Variants in SLC7A5 observed in about 807,000 individuals in gnomAD.
The protein encoded by SLC7A5 is large neutral amino acids transporter small subunit 1.
In SLC7A5, 23 loss-of-function variants were observed where a neutral mutation model predicts 50.2. The observed-to-expected ratio is 0.46, with a 90% CI of 0.33 to 0.65. The LOEUF is 0.65. Among genes scored for constraint, SLC7A5 ranks in the 30% least tolerant of loss-of-function variants. The probability of loss-of-function intolerance (pLI) is 0.02; values close to 1 mark genes in which losing one functional copy is unlikely to be tolerated. For synonymous variants in SLC7A5, 393 were observed against 330.6 expected, an observed-to-expected ratio of 1.19 and a Z score of -2.05; for missense variants, 578 against 684.4, an observed-to-expected ratio of 0.84 and a Z score of 1.73.
Position 87,869,333 on chromosome 16 carries a change from C to T in SLC7A5, c.90G>A (p.Lys30=), listed in dbSNP as rs375232549. 5 of 1,610,064 alleles carry T rather than the reference C, an allele frequency of 3.1e-6. No homozygotes were observed. The highest frequency in any genetic ancestry group is 4.2e-6 in the Non-Finnish European group (5 of 1,179,216). Residue 30 remains lysine (K), a synonymous_variant, in exon 1 of 10, where the codon AAG becomes AAA. Transcript: ENST00000261622. ...EEAREKMLAA[K]SADGSAPAGE... ...CTGCCGGCGCCGAGCCGTCCGCGCT[C>T]TTGGCGGCCAGCATCTTCTCCCGCG...
In SLC7A5 at chr16:87,853,226, C is replaced by T. The variant is rs1325284020; in HGVS notation, c.539-1377G>A. Among the ~76,000 whole-genome samples the T allele has an allele frequency of 1.3e-5, 2 of 152,204 alleles. No homozygotes were observed. Among genetic ancestry groups the T allele is most frequent in the African/African-American group, 2.4e-5 (1 of 41,458 alleles). ...GGAATCTTACAATGTAAGCAACAGACCCCGAGGAAAGACATCCATGCTAAT... is the reference window on the plus strand; with the variant it reads ...GGAATCTTACAATGTAAGCAACAGATCCCGAGGAAAGACATCCATGCTAAT... On this transcript the variant is annotated intron_variant, in intron 1 of 9. Transcript: ENST00000261622. This position sits in a 1 kb window ranked among gnomAD's most constrained non-coding sequence, Gnocchi z 4.4.
At chr16:87,865,779 C>T (rs566302248) in intron 1 of SLC7A5, among the ~76,000 whole-genome samples, 2 of 152,238 alleles carry the variant, frequency 1.3e-5, no homozygotes, top group East Asian at 1.9e-4. Flanking sequence ...AATCCAGGAA[C>T]GCGTGACTTG....
At chr16:87,839,484 C>A (rs931444658) in intron 5 of SLC7A5, among the ~76,000 whole-genome samples, 12 of 152,210 alleles carry the variant, frequency 7.9e-5, no homozygotes, top group Non-Finnish European at 1.5e-4. Flanking sequence ...TTTGACTCCC[C>A]CAGCAGCTGA....
rs772727258 is a variant in SLC7A5 at position 87,838,813 on chromosome 16, A to T, written c.944T>A (p.Phe315Tyr). The change falls in exon 6 of 10, where the codon TTC (phenylalanine) becomes TAC (tyrosine). Residue 315 changes from phenylalanine to tyrosine, a missense_variant. By Grantham distance (22) the Phe-to-Tyr change is conservative (BLOSUM62 3). Around this residue, in one of 2 missense-constraint regions of SLC7A5, gnomAD observed 465 missense variants for 594.6 expected, o/e 0.78. Coordinates refer to ENST00000261622, the MANE Select transcript of SLC7A5 (RefSeq NM_003486.7). ...MLSSEAVAVDFGNYHLGVMSW... is the reference protein window; with the variant it reads ...MLSSEAVAVDYGNYHLGVMSW... ...CATGACGCCCAGGTGATAGTTCCCG[A>T]AGTCCTAGGCAGGCACAACCAGTGA... 6.2e-7 allele frequency: 1 copy of T among 1,613,582 alleles called. No homozygotes were observed. The highest frequency in any genetic ancestry group is 8.5e-7 in the Non-Finnish European group (1 of 1,179,686).
Position 87,867,429 on chromosome 16 carries a change from C to T in SLC7A5, c.538+1456G>A, listed in dbSNP as rs1446077193. Among the ~76,000 whole-genome samples the T allele has an allele frequency of 5.9e-5, 9 of 152,332 alleles. No individual in the cohort carries two copies. In the South Asian group the frequency reaches 1.9e-3, roughly 32 times the overall value. ...GGCTCTCCCCACTGCTGTCCTGCTA[C>T]GATTTTTCCCGGCTTTGACCTGCAT... On this transcript the variant is annotated intron_variant, in intron 1 of 9. Transcript: ENST00000261622.
At position 87,841,242 on chromosome 16, in the gene SLC7A5, T is replaced by C; in HGVS notation, c.665-87A>G. On this transcript the variant is annotated intron_variant, in intron 2 of 9. Transcript: ENST00000261622. This position sits in a 1 kb window ranked among gnomAD's most constrained non-coding sequence, Gnocchi z 4.8. ...GTTCTAGAATGTTCCTGGAGCAAAATACATAGCAAACAAAAATGCTGGAGT... is the reference window on the plus strand; with the variant it reads ...GTTCTAGAATGTTCCTGGAGCAAAACACATAGCAAACAAAAATGCTGGAGT... The C allele has an allele frequency of 3.4e-6, 3 of 884,356 alleles. No homozygotes were observed. The highest frequency in any genetic ancestry group is 5.7e-6 in the Non-Finnish European group (3 of 524,342). 54.8% of individuals were successfully genotyped at this position (884,356 alleles called of 1,614,324 possible). A position where few individuals can be genotyped will look rare whatever the true frequency, so the allele number is the denominator to read the frequency against.
In SLC7A5 at chr16:87,837,734, C is replaced by T. The variant is rs60160402; in HGVS notation, c.1140+111G>A. 0.019 allele frequency: 15,749 copies of T among 836,882 alleles called. 1,335 individuals are homozygous for T. In the African/African-American group the frequency reaches 0.21, roughly 11 times the overall value. 51.8% of individuals were successfully genotyped at this position (836,882 alleles called of 1,614,324 possible). On this transcript the variant is annotated intron_variant, in intron 7 of 9. Coordinates refer to ENST00000261622, the MANE Select transcript of SLC7A5 (RefSeq NM_003486.7). ...AGCTCGGCAGGAGGCCACATTTGAG[C>T]TGTCACCCAGTCCACACCCCAGACA...
Position 87,833,143 on chromosome 16 carries a change from A to C in SLC7A5, c.1469-118T>G. ...GTCACCAAACCCAGCGCCGCTGCCC[A>C]GCGCTGGGATTTTAAGGAACCTTCC... On this transcript the variant is annotated intron_variant, in intron 9 of 9. Transcript: ENST00000261622. This position sits in a 1 kb window ranked among gnomAD's most constrained non-coding sequence, Gnocchi z 6.0. 2 of 843,466 alleles carry C rather than the reference A, an allele frequency of 2.4e-6. No homozygotes were observed. The highest frequency in any genetic ancestry group is 4.1e-6 in the Non-Finnish European group (2 of 487,272). 52.2% of individuals were successfully genotyped at this position (843,466 alleles called of 1,614,324 possible). A position where few individuals can be genotyped will look rare whatever the true frequency, so the allele number is the denominator to read the frequency against.
intron 2 of SLC7A5, among the ~76,000 whole-genome samples, chr16:87,849,927 C>T (rs928040989): frequency 1.3e-5 from 2 of 152,144 alleles, no homozygotes; most frequent in African/African-American, 4.8e-5. Flanking sequence ...GACTTCCCCT[C>T]GACGATGAGG....
chr16:87,847,502 G>A (rs944982711), intron 2 of SLC7A5, among the ~76,000 whole-genome samples: 4 of 152,212 alleles, frequency 2.6e-5, no homozygotes, highest in Non-Finnish European at 4.4e-5. Flanking sequence ...GAAGCTCAGA[G>A]ACCAGTCTGA....
chr16:87,836,644 C>G lies in SLC7A5; in HGVS notation c.1144G>C (p.Val382Leu), dbSNP rs777326719. 1.2e-5 allele frequency: 20 copies of G among 1,612,328 alleles called. No individual in the cohort carries two copies. The highest frequency in any genetic ancestry group is 2.7e-5 in the African/African-American group (2 of 74,950). Residue 382 changes from valine (V) to leucine (L), a missense_variant, in exon 8 of 10, where the codon GTG becomes CTG. Physicochemically the swap from Val to Leu is conservative, Grantham distance 32. Coordinates refer to ENST00000261622, the MANE Select transcript of SLC7A5 (RefSeq NM_003486.7). Reference sequence around the variant, plus strand: ...GAGAAGGCGTAGAGCAGCGTCATCACACACTGGAAGAGAGAGGCGGCTGGC... The same window carrying G: ...GAGAAGGCGTAGAGCAGCGTCATCAGACACTGGAAGAGAGAGGCGGCTGGC... ...TPVPSLVFTCVMTLLYAFSKD... is the reference protein window; with the variant it reads ...TPVPSLVFTCLMTLLYAFSKD...
rs111715445 is a variant in SLC7A5 at position 87,838,743 on chromosome 16, G to T, written c.1014C>A (p.Ser338=). The change falls in exon 6 of 10, where the codon TCC becomes TCA. Residue 338 remains serine, a synonymous_variant. Coordinates refer to ENST00000261622, the MANE Select transcript of SLC7A5 (RefSeq NM_003486.7). ...PVFVGLSCFG[S]VNGSLFTSSR... ...AGGATGTGAACAGGGACCCATTGACGGAGCCGAAGCAGGACAGGCCCACGA... is the reference window on the plus strand; with the variant it reads ...AGGATGTGAACAGGGACCCATTGACTGAGCCGAAGCAGGACAGGCCCACGA... 2 of 1,614,012 alleles carry T rather than the reference G, an allele frequency of 1.2e-6. No homozygotes were observed. The highest frequency in any genetic ancestry group is 2.7e-5 in the African/African-American group (2 of 75,046).
rs982310695 is a variant in SLC7A5 at position 87,856,960 on chromosome 16, G to A, written c.539-5111C>T. ...GAGGCTGGTGCTGCCGGCCTGGGGA[G>A]CGCCCCCAGCACAGGCGCGTGCTTC... is the stretch of plus-strand genomic sequence containing the variant. On this transcript the variant is annotated intron_variant, in intron 1 of 9. Transcript: ENST00000261622. 2.6e-5 allele frequency among the ~76,000 whole-genome samples: 4 copies of A among 152,190 alleles called. No homozygotes were observed. In the South Asian group the frequency reaches 8.3e-4, roughly 32 times the overall value.
At chr16:87,856,099 C>T (rs1238525056) in intron 1 of SLC7A5, among the ~76,000 whole-genome samples, 1 of 152,162 alleles carries the variant, frequency 6.6e-6, no homozygotes, top group Non-Finnish European at 1.5e-5. Context: ...TGTGAGTGCC[C>T]CAGGCAGGCG....
chr16:87,868,183 T>A (rs1433184351), intron 1 of SLC7A5, among the ~76,000 whole-genome samples: 1 of 151,406 alleles, frequency 6.6e-6, no homozygotes, highest in Non-Finnish European at 1.5e-5. Flanking sequence ...ATCTCTGGCC[T>A]GGTGAAGAAC....
intron 2 of SLC7A5, among the ~76,000 whole-genome samples, chr16:87,844,546 CCCT>C (rs2055125289): frequency 2.0e-5 from 3 of 152,238 alleles, no homozygotes; most frequent in Admixed American, 2.0e-4. Context: ...GGGATCTTCC[CCCT>C]CCTCTGTGAT....
intron 2 of SLC7A5, among the ~76,000 whole-genome samples, chr16:87,843,764 C>T (rs111457473): frequency 2.0e-4 from 31 of 152,272 alleles, no homozygotes; most frequent in African/African-American, 7.0e-4. Flanking sequence ...CTGCAATGCA[C>T]GGGACACCCC....
rs767771548 is a variant in SLC7A5, at chr16:87,839,686, G to A, written c.939+16C>T. On this transcript the variant is annotated intron_variant, in intron 5 of 9. Coordinates refer to ENST00000261622, the MANE Select transcript of SLC7A5 (RefSeq NM_003486.7). The stretch of plus-strand genomic sequence containing the variant: ...CCTCTCAGGCCCCTGGTGGAAGCTG[G>A]CGGGTAGCGGCTCACCACGGCCACG... 1.2e-6 allele frequency: 2 copies of A among 1,612,886 alleles called. No homozygotes were observed. Among genetic ancestry groups the A allele is most frequent in the South Asian group, 1.1e-5 (1 of 91,064 alleles).
At chr16:87,845,877 G>T (rs1338292382) in intron 2 of SLC7A5, among the ~76,000 whole-genome samples, 4 of 152,186 alleles carry the variant, frequency 2.6e-5, no homozygotes, top group Non-Finnish European at 5.9e-5. Context: ...GGAGGTGAAG[G>T]CCGCGGGAAA....
Sources: allele counts gnomAD v4.1 joint callset (sites outside exome capture counted in the v4.1 genomes callset), GRCh38; gene constraint gnomAD v4.1.1; regional missense constraint gnomAD v4.1.1; non-coding constraint Gnocchi (gnomAD v3.1); transcripts MANE v1.5; gene names NCBI Gene and HGNC (gene_info 2026-07-23, HGNC 2026-07-21).